Variants in TMCO4 observed in about 807,000 individuals in gnomAD.
The protein encoded by TMCO4 is transmembrane and coiled-coil domains 4, also known as transmembrane and coiled-coil domain-containing protein 4.
In TMCO4, 58 loss-of-function variants were observed where a neutral mutation model predicts 64.7. That is an observed-to-expected ratio of 0.90 (90% CI 0.73 to 1.12). TMCO4 has a LOEUF of 1.12. TMCO4 is among the 50% of genes most tolerant of loss of function. The pLI is 0.00. For synonymous variants in TMCO4, 325 were observed against 346.1 expected (o/e 0.94, Z 0.68); for missense variants, 780 against 825.9 (o/e 0.94, Z 0.68).
At chr1:19,799,272 T>G (rs2044482752) in intron 1 of TMCO4, 1 of 152,344 alleles carries the variant, frequency 6.6e-6, no homozygotes, top group African/African-American at 2.4e-5. Flanking sequence ...CCAGAAGACA[T>G]GGCCTCCTTG....
rs2095442431 is a variant in TMCO4, at chr1:19,734,109, C to T, written c.1264+3263G>A. ...GGGAAAGCTTCCAGACACAGTGAGACCTGAGAAATGAGTAGGAATTATCTA... is the reference window on the plus strand; with the variant it reads ...GGGAAAGCTTCCAGACACAGTGAGATCTGAGAAATGAGTAGGAATTATCTA... On this transcript the variant is annotated intron_variant, in intron 13 of 15. Coordinates refer to ENST00000294543, the MANE Select transcript of TMCO4 (RefSeq NM_181719.7). The surrounding 1 kb of genome is among the most constrained non-coding windows in gnomAD (Gnocchi z 4.4). Among the ~76,000 whole-genome samples the T allele has an allele frequency of 6.6e-6, 1 of 151,936 alleles. No individual in the cohort carries two copies. Among genetic ancestry groups the T allele is most frequent in the Non-Finnish European group, 1.5e-5 (1 of 68,008 alleles).
At chr1:19,704,401 G>C (rs956498396) in intron 13 of TMCO4, among the ~76,000 whole-genome samples, 20 of 152,248 alleles carry the variant, frequency 1.3e-4, no homozygotes, top group Non-Finnish European at 2.6e-4. Context: ...GGGTCAGAGA[G>C]GGGATGGGGC....
rs2041647620 is a variant in TMCO4 at position 19,743,917 on chromosome 1, G to C, written c.877+1615C>G. Among the ~76,000 whole-genome samples the C allele has an allele frequency of 6.6e-6, 1 of 152,186 alleles. No individual in the cohort carries two copies. Among genetic ancestry groups the C allele is most frequent in the African/African-American group, 2.4e-5 (1 of 41,432 alleles). ...ACCATACCAAGTTCCTACTATGCTG[G>C]TAAAATGCCAGACTCAAGGTAGGTG... On this transcript the variant is annotated intron_variant, in intron 10 of 15. Transcript: ENST00000294543. This position sits in a 1 kb window ranked among gnomAD's most constrained non-coding sequence, Gnocchi z 4.1.
chr1:19,769,088 G>C (rs930744091), intron 6 of TMCO4, among the ~76,000 whole-genome samples: 2 of 152,140 alleles, frequency 1.3e-5, no homozygotes, highest in African/African-American at 4.8e-5. Flanking sequence ...GCTTCAGCAA[G>C]CCTCAGCACC....
intron 13 of TMCO4, among the ~76,000 whole-genome samples, chr1:19,724,621 G>T (rs1256565002): frequency 6.6e-6 from 1 of 152,108 alleles, no homozygotes; most frequent in African/African-American, 2.4e-5. Flanking sequence ...ACCCCCAGAG[G>T]GATCAATATC....
At chr1:19,729,203 A>G (rs906583777) in intron 13 of TMCO4, among the ~76,000 whole-genome samples, 1 of 151,958 alleles carries the variant, frequency 6.6e-6, no homozygotes, top group Non-Finnish European at 1.5e-5. Flanking sequence ...AGGCTAGAGT[A>G]CAGTGGCCCA....
At chr1:19,694,637 A>G in intron 14 of TMCO4, 86 bp from the exon 15 acceptor site, 1 of 1,282,414 alleles carries the variant, frequency 7.8e-7, no homozygotes, top group Non-Finnish European at 1.1e-6. Flanking sequence ...CTCCTGGGGA[A>G]GCCAGGTGGG....
chr1:19,717,422 G>A (rs752637790), intron 13 of TMCO4, among the ~76,000 whole-genome samples: 3 of 152,148 alleles, frequency 2.0e-5, no homozygotes, highest in Non-Finnish European at 4.4e-5. Context: ...GACATTTGCT[G>A]GCTGATAGAT....
intron 13 of TMCO4, among the ~76,000 whole-genome samples, chr1:19,712,793 T>C (rs145982206): frequency 2.2e-3 from 329 of 152,334 alleles, no homozygotes; most frequent in African/African-American, 7.6e-3. Flanking sequence ...CAGTTAGCTA[T>C]TGGCGTGTGA....
chr1:19,787,527 C>A (rs1434260586), intron 2 of TMCO4, among the ~76,000 whole-genome samples: 1 of 152,206 alleles, frequency 6.6e-6, no homozygotes, highest in Non-Finnish European at 1.5e-5. Flanking sequence ...GAGGAATGAA[C>A]TAGCTTTCAG....
intron 10 of TMCO4, among the ~76,000 whole-genome samples, chr1:19,742,313 G>C (rs2095483197): frequency 6.6e-6 from 1 of 152,192 alleles, no homozygotes; most frequent in African/African-American, 2.4e-5. Context: ...GCCAAGCACT[G>C]TATTCCCAAA....
intron 14 of TMCO4, among the ~76,000 whole-genome samples, chr1:19,696,895 G>C (rs910764188): frequency 1.3e-5 from 2 of 152,176 alleles, no homozygotes; most frequent in African/African-American, 4.8e-5. Context: ...GGCCTTCACT[G>C]GCATTCAAGA....
At chr1:19,688,114 C>T (rs993325047) in intron 15 of TMCO4, among the ~76,000 whole-genome samples, 15 of 152,200 alleles carry the variant, frequency 9.9e-5, no homozygotes, top group East Asian at 1.9e-4. Flanking sequence ...GGATACACGC[C>T]GGATGTGACT....
chr1:19,720,290 A>C (rs1285168526), intron 13 of TMCO4, among the ~76,000 whole-genome samples: 1 of 152,172 alleles, frequency 6.6e-6, no homozygotes, highest in Non-Finnish European at 1.5e-5. Context: ...TGTGTGAGCC[A>C]CCACACCTGG....
intron 13 of TMCO4, among the ~76,000 whole-genome samples, chr1:19,707,966 G>A (rs546212302): frequency 3.6e-4 from 55 of 152,210 alleles, no homozygotes; most frequent in Non-Finnish European, 5.9e-4. Flanking sequence ...GAACAGCATG[G>A]GGAAATCTGT....
chr1:19,771,554 T>G (rs2042984345), intron 4 of TMCO4, 72 bp from the exon 5 acceptor site: 1 of 1,499,514 alleles, frequency 6.7e-7, no homozygotes. Context: ...GTAGATTAGT[T>G]GTGGTCACGG....
chr1:19,799,702 G>A (rs1478031821), intron 1 of TMCO4, among the ~76,000 whole-genome samples, 153 bp downstream of exon 1: 2 of 152,198 alleles, frequency 1.3e-5, no homozygotes, highest in Non-Finnish European at 2.9e-5. Context: ...CCGCTTCCTG[G>A]TGGGTCCAGT....
chr1:19,746,668 T>C (rs1333053312), intron 8 of TMCO4, 69 bp from the exon 9 acceptor site: 46 of 1,531,928 alleles, frequency 3.0e-5, no homozygotes, highest in Non-Finnish European at 4.0e-5. Flanking sequence ...CTCACGCCTG[T>C]AATCCCAGCA....
intron 2 of TMCO4, among the ~76,000 whole-genome samples, chr1:19,792,765 ATTTTT>A (rs71579823): frequency 6.2e-4 from 56 of 89,676 alleles, no homozygotes; most frequent in African/African-American, 1.5e-3. Flanking sequence ...GTCAAGGTCA[ATTTTT>A]TTTTTTTTTT....
Sources: allele counts gnomAD v4.1 joint callset (sites outside exome capture counted in the v4.1 genomes callset), GRCh38; gene constraint gnomAD v4.1.1; non-coding constraint Gnocchi (gnomAD v3.1); transcripts MANE v1.5; gene names NCBI Gene and HGNC (gene_info 2026-07-23, HGNC 2026-07-21).